The following SRSF4 variants were observed in gnomAD, a reference collection of about 807,000 sequenced individuals.
SRSF4 encodes serine/arginine-rich splicing factor 4.
SRSF4 carries 12 observed loss-of-function variants against 48.8 expected under a neutral mutation model. The observed-to-expected ratio is 0.25, with a 90% CI of 0.16 to 0.40. The LOEUF is 0.40. Ranked by LOEUF, SRSF4 falls within the 10% of genes least tolerant of loss-of-function variation. SRSF4 has a pLI of 1.00. For missense variants in SRSF4, 466 were observed against 667.1 expected (o/e 0.70, Z 3.32); for synonymous variants, 248 against 232.5 (o/e 1.07, Z -0.61).
intron 3 of SRSF4, 98 bp downstream of exon 3, chr1:29,159,276 C>G (rs1483484362): frequency 2.7e-6 from 2 of 729,570 alleles, no homozygotes; most frequent in Non-Finnish European, 4.7e-6. Flanking sequence ...AAACATATAA[C>G]ACTGTATTTT....
intron 1 of SRSF4, among the ~76,000 whole-genome samples, chr1:29,161,979 G>C (rs1672603934): frequency 6.6e-6 from 1 of 152,188 alleles, no homozygotes; most frequent in Admixed American, 6.5e-5. Flanking sequence ...CTTTACTAAA[G>C]AGTTCCTTTC....
chr1:29,181,521 G>C lies in SRSF4; in HGVS notation c.107+125C>G, dbSNP rs904404628. 23 of 806,276 alleles carry C rather than the reference G, an allele frequency of 2.9e-5. No individual in the cohort carries two copies. The Admixed American group carries it at 3.5e-4, about 12-fold the overall frequency. 49.9% of individuals were successfully genotyped at this position (806,276 alleles called of 1,614,324 possible). On this transcript the variant is annotated intron_variant, in intron 1 of 5. Coordinates refer to ENST00000373795, the MANE Select transcript of SRSF4 (RefSeq NM_005626.5). ...CGCGCCCCCGAGGCGCCGCCACTAT[G>C]GCGGAGCCTGGCCAGGCCGGTAGCC... is the stretch of plus-strand genomic sequence containing the variant.
chr1:29,152,642 G>C (rs975602792), intron 4 of SRSF4, among the ~76,000 whole-genome samples: 1 of 152,088 alleles, frequency 6.6e-6, no homozygotes, highest in Non-Finnish European at 1.5e-5. Context: ...TTTCTCGACG[G>C]GCACGGTGGC....
intron 1 of SRSF4, among the ~76,000 whole-genome samples, chr1:29,161,943 G>A (rs1441307045): frequency 6.6e-6 from 1 of 152,198 alleles, no homozygotes; most frequent in East Asian, 1.9e-4. Flanking sequence ...TTAAATAAGT[G>A]AGAACTCAGA....
At chr1:29,172,032 T>C (rs1672751734) in intron 1 of SRSF4, 1 of 152,098 alleles carries the variant, frequency 6.6e-6, no homozygotes, top group Non-Finnish European at 1.5e-5. Flanking sequence ...TATGGTATTA[T>C]CTCTTGGCAT....
In SRSF4 at chr1:29,150,022, T is replaced by TG. The variant is rs995138729; in HGVS notation, c.668+80dup. On this transcript the variant is annotated intron_variant, in intron 5 of 5. Coordinates refer to ENST00000373795, the MANE Select transcript of SRSF4 (RefSeq NM_005626.5). ...CAGCTTGGGTGACAGAGTGTCTCTT[T>TG]GAAAAAAAAAAGAAAAAAAAGTGAG... The TG allele has an allele frequency of 5.0e-6, 6 of 1,207,738 alleles. No individual in the cohort carries two copies. The South Asian group carries it at 5.0e-5, about 10-fold the overall frequency. 74.8% of individuals were successfully genotyped at this position (1,207,738 alleles called of 1,614,324 possible).
intron 1 of SRSF4, 24 bp from the exon 2 acceptor site, chr1:29,160,541 T>C (rs1672578364): frequency 6.3e-7 from 1 of 1,579,270 alleles, no homozygotes; most frequent in African/African-American, 1.4e-5. Flanking sequence ...AAGAAAATAC[T>C]GGTTGGTACC....
At chr1:29,161,638 G>A (rs942375046) in intron 1 of SRSF4, among the ~76,000 whole-genome samples, 4 of 152,146 alleles carry the variant, frequency 2.6e-5, no homozygotes, top group Admixed American at 6.5e-5. Context: ...TCTCGCTGTC[G>A]CCCAGGCTGG....
Position 29,148,958 on chromosome 1 carries a change from TCTC to T in SRSF4, c.934_936del (p.Glu312del), listed in dbSNP as rs757198707. ...CTGCCCCTGCTCACACTCCCTCGCT[TCTC>T]CTCCTCCACTCTCCTCTCCTGACTC... On this transcript the variant is annotated inframe_deletion, in exon 6 of 6. Transcript: ENST00000373795. 4 of 1,611,982 alleles carry T rather than the reference TCTC, an allele frequency of 2.5e-6. No individual in the cohort carries two copies. The highest frequency in any genetic ancestry group is 2.5e-6 in the Non-Finnish European group (3 of 1,179,584).
intron 2 of SRSF4, chr1:29,159,731 T>C: frequency 3.1e-6 from 1 of 317,486 alleles, no homozygotes; most frequent in Non-Finnish European, 5.7e-6. Context: ...TTAACATGCA[T>C]AAATTTAAAA....
At chr1:29,157,390 G>A (rs1300058937) in intron 3 of SRSF4, among the ~76,000 whole-genome samples, 9 of 152,124 alleles carry the variant, frequency 5.9e-5, no homozygotes, top group Non-Finnish European at 1.3e-4. Context: ...ACTACATGAC[G>A]AGTTAGCATT....
Position 29,172,085 on chromosome 1 carries a change from T to C in SRSF4, c.107+9561A>G, listed in dbSNP as rs188984992. On this transcript the variant is annotated intron_variant, in intron 1 of 5. Transcript: ENST00000373795. ...AGAAAAAAATTAAATTCCCCATATATTGGGGGAAAAAAATAATACACTTTT... is the reference window on the plus strand; with the variant it reads ...AGAAAAAAATTAAATTCCCCATATACTGGGGGAAAAAAATAATACACTTTT... The C allele has an allele frequency of 6.5e-4, 99 of 152,124 alleles. 1 individual carries two copies. The highest frequency in any genetic ancestry group is 2.3e-3 in the African/African-American group (96 of 41,482). The allele number at this position is 152,124 out of a possible 1,614,324, so 9.4% of individuals were successfully genotyped here.
At chr1:29,160,154 CATATTT>C in intron 2 of SRSF4, 3 of 490,740 alleles carry the variant, frequency 6.1e-6, no homozygotes, top group East Asian at 7.5e-5. Context: ...CATCATTAAA[CATATTT>C]ATAAAGTATT....
chr1:29,160,000 T>C (rs1672567948), intron 2 of SRSF4: 1 of 194,434 alleles, frequency 5.1e-6, no homozygotes, highest in Non-Finnish European at 1.1e-5. Flanking sequence ...GAGCCACGCA[T>C]GGAAAGGTAA....
chr1:29,179,763 C>T (rs1477186748), intron 1 of SRSF4, among the ~76,000 whole-genome samples: 2 of 152,148 alleles, frequency 1.3e-5, no homozygotes, highest in South Asian at 2.1e-4. Flanking sequence ...GAGTTTAAAG[C>T]GAAAGCAAAC....
In SRSF4 at chr1:29,173,422, G is replaced by A. The variant is rs530641799; in HGVS notation, c.107+8224C>T. The A allele has an allele frequency of 4.1e-5, 6 of 147,628 alleles. No individual in the cohort carries two copies. In the East Asian group the frequency reaches 6.0e-4, roughly 15 times the overall value. 9.1% of individuals were successfully genotyped at this position (147,628 alleles called of 1,614,324 possible). A position where few individuals can be genotyped will look rare whatever the true frequency, so the allele number is the denominator to read the frequency against. ...GCCTCCCAAAGTGCTGGGATTACAG[G>A]TGTGAGCCACCACGCCTGGCCTAAA... is the stretch of plus-strand genomic sequence containing the variant. On this transcript the variant is annotated intron_variant, in intron 1 of 5. Transcript: ENST00000373795.
chr1:29,149,379 A>T (rs1247822362), intron 5 of SRSF4, among the ~76,000 whole-genome samples, 153 bp from the exon 6 acceptor site: 2 of 152,166 alleles, frequency 1.3e-5, no homozygotes, highest in East Asian at 3.9e-4. Flanking sequence ...TCACAATGCC[A>T]ATCAGAAGCT....
intron 4 of SRSF4, 78 bp downstream of exon 4, chr1:29,154,618 G>GA (rs35034353): frequency 1.2e-5 from 17 of 1,402,914 alleles, no homozygotes; most frequent in Non-Finnish European, 1.5e-5. Flanking sequence ...AACTCAACAG[G>GA]AAAATGTAAA....
chr1:29,173,460 T>C (rs1460273093), intron 1 of SRSF4: 1 of 117,774 alleles, frequency 8.5e-6, no homozygotes, highest in Non-Finnish European at 1.7e-5. Context: ...GTTGTTTTTT[T>C]TTTTTCTTTT....
Sources: allele counts gnomAD v4.1 joint callset (sites outside exome capture counted in the v4.1 genomes callset), GRCh38; gene constraint gnomAD v4.1.1; transcripts MANE v1.5; gene names NCBI Gene and HGNC (gene_info 2026-07-23, HGNC 2026-07-21).